Variants in TMTC2 observed in about 807,000 individuals in gnomAD.
The protein encoded by TMTC2 is transmembrane O-mannosyltransferase targeting cadherins 2.
Under a neutral mutation model 82.4 loss-of-function variants are expected in TMTC2, and 43 were observed. That is an observed-to-expected ratio of 0.52 (90% confidence interval 0.41 to 0.67). TMTC2 has a LOEUF of 0.67. Ranked by LOEUF, TMTC2 falls within the 30% of genes least tolerant of loss-of-function variation. The probability of loss-of-function intolerance (pLI) is 0.00; values close to 1 mark genes in which losing one functional copy is unlikely to be tolerated. For missense variants in TMTC2, 919 were observed against 1,012.4 expected (o/e 0.91, Z 1.25); for synonymous variants, 408 against 381.9 (o/e 1.07, Z -0.80).
rs533762694 is a variant in TMTC2 at position 83,075,415 on chromosome 12, A to G, written c.2331+13584A>G. Reference sequence around the variant, plus strand: ...CCATGATGATCTCTTGTCCATCTGTATATTTTATAGTTAGCAAATGATGTG... The same window carrying G: ...CCATGATGATCTCTTGTCCATCTGTGTATTTTATAGTTAGCAAATGATGTG... On this transcript the variant is annotated intron_variant, in intron 11 of 11. Coordinates refer to ENST00000321196, the MANE Select transcript of TMTC2 (RefSeq NM_152588.3). Among the ~76,000 whole-genome samples the G allele has an allele frequency of 3.3e-5, 5 of 152,276 alleles. No individual in the cohort carries two copies. The South Asian group carries it at 8.3e-4, about 25-fold the overall frequency.
chr12:82,940,619 T>C (rs964836579), intron 4 of TMTC2, among the ~76,000 whole-genome samples: 1 of 151,924 alleles, frequency 6.6e-6, no homozygotes, highest in Non-Finnish European at 1.5e-5. Context: ...TTTTTTTTTT[T>C]CCTCTGGTGG....
chr12:82,979,607 GTAATTATGTACCACC>G (rs1412233561), intron 7 of TMTC2, among the ~76,000 whole-genome samples: 5 of 151,710 alleles, frequency 3.3e-5, no homozygotes, highest in Non-Finnish European at 7.4e-5. Context: ...CAAGATATGA[GTAATTATGTACCACC>G]TAATTATGTA....
chr12:83,032,031 G>A (rs1327110926), intron 9 of TMTC2, among the ~76,000 whole-genome samples: 1 of 151,852 alleles, frequency 6.6e-6, no homozygotes, highest in Non-Finnish European at 1.5e-5. Flanking sequence ...CCTATATGAA[G>A]TACTTCAGGA....
intron 8 of TMTC2, among the ~76,000 whole-genome samples, chr12:82,993,333 C>T (rs1879477779): frequency 6.6e-6 from 1 of 151,234 alleles, no homozygotes; most frequent in Non-Finnish European, 1.5e-5. Flanking sequence ...GACCCTTGAA[C>T]AACACAAGTT....
intron 1 of TMTC2, among the ~76,000 whole-genome samples, chr12:82,695,603 A>T (rs1006421456): frequency 6.6e-6 from 1 of 152,176 alleles, no homozygotes. Flanking sequence ...CTTTTCTGTT[A>T]GTTGTGTCTC....
chr12:83,069,876 G>A (rs1433383022), intron 11 of TMTC2, among the ~76,000 whole-genome samples: 1 of 152,016 alleles, frequency 6.6e-6, no homozygotes, highest in Non-Finnish European at 1.5e-5. Context: ...TAAGGTGAGA[G>A]ATAAGGATCC....
chr12:83,094,206 G>A (rs1277651840), intron 11 of TMTC2, among the ~76,000 whole-genome samples: 1 of 152,208 alleles, frequency 6.6e-6, no homozygotes, highest in Non-Finnish European at 1.5e-5. Context: ...GTATGGTTAG[G>A]CCAGTCAGTT....
intron 8 of TMTC2, among the ~76,000 whole-genome samples, chr12:83,000,129 TG>T (rs1879849106): frequency 1.0e-5 from 1 of 96,186 alleles, no homozygotes; most frequent in Non-Finnish European, 2.4e-5. Context: ...CAAAATCCAG[TG>T]GGGGCAGTCA....
At chr12:82,912,539 CTT>C in intron 3 of TMTC2, among the ~76,000 whole-genome samples, 1 of 152,276 alleles carries the variant, frequency 6.6e-6, no homozygotes, top group Admixed American at 6.5e-5. Context: ...GACTTAATCT[CTT>C]TGAGATTTGC....
intron 3 of TMTC2, among the ~76,000 whole-genome samples, chr12:82,904,016 A>C (rs1157166865): frequency 6.6e-6 from 1 of 152,190 alleles, no homozygotes; most frequent in African/African-American, 2.4e-5. Flanking sequence ...CCATTTTGAT[A>C]CAAGGCAAAA....
intron 1 of TMTC2, among the ~76,000 whole-genome samples, chr12:82,738,532 G>A (rs968587964): frequency 5.9e-5 from 9 of 152,262 alleles, no homozygotes; most frequent in Non-Finnish European, 1.3e-4. Flanking sequence ...GTTGGCTCAC[G>A]TGTTCATTTT....
At chr12:83,071,791 T>C (rs748443737) in intron 11 of TMTC2, among the ~76,000 whole-genome samples, 19 of 152,284 alleles carry the variant, frequency 1.2e-4, no homozygotes, top group Non-Finnish European at 2.5e-4. Flanking sequence ...TTTATATGTG[T>C]CAAGGTGTTC....
chr12:82,931,788 A>G (rs1434694891), intron 4 of TMTC2, among the ~76,000 whole-genome samples: 3 of 152,166 alleles, frequency 2.0e-5, no homozygotes, highest in Non-Finnish European at 4.4e-5. Context: ...ACTCTTCTCA[A>G]TTTCAGAAGG....
chr12:82,812,837 A>G (rs1209680743), intron 1 of TMTC2, among the ~76,000 whole-genome samples: 1 of 152,120 alleles, frequency 6.6e-6, no homozygotes, highest in East Asian at 1.9e-4. Context: ...ATCTTAAAAC[A>G]TGATTTGTAG....
At chr12:82,712,429 CAAAAAA>C (rs58906003) in intron 1 of TMTC2, among the ~76,000 whole-genome samples, 6 of 71,716 alleles carry the variant, frequency 8.4e-5, no homozygotes, top group African/African-American at 2.6e-4. Flanking sequence ...AACTCCGTCT[CAAAAAA>C]AAAAAAAAAA....
At chr12:82,819,807 CT>C (rs1868980339) in intron 1 of TMTC2, among the ~76,000 whole-genome samples, 1 of 151,978 alleles carries the variant, frequency 6.6e-6, no homozygotes, top group Non-Finnish European at 1.5e-5. Flanking sequence ...TGCCCAGCCC[CT>C]CATAGTACTT....
intron 3 of TMTC2, among the ~76,000 whole-genome samples, chr12:82,910,303 C>T (rs1283267987): frequency 1.6e-4 from 25 of 152,130 alleles, no homozygotes; most frequent in East Asian, 3.9e-4. Flanking sequence ...TTTCCCCTGT[C>T]CCCCTCACAG....
intron 9 of TMTC2, among the ~76,000 whole-genome samples, chr12:83,048,329 T>C (rs1882218342): frequency 6.6e-6 from 1 of 152,184 alleles, no homozygotes; most frequent in South Asian, 2.1e-4. Flanking sequence ...TTCATATCTG[T>C]ATCTGTAGAG....
chr12:82,752,611 G>C (rs539746494), intron 1 of TMTC2, among the ~76,000 whole-genome samples: 1 of 152,144 alleles, frequency 6.6e-6, no homozygotes, highest in Admixed American at 6.5e-5. Flanking sequence ...AATTGGCTTA[G>C]AGACTTCATA....
Sources: gnomAD v4.1 joint callset for allele counts (sites outside exome capture counted in the v4.1 genomes callset) on GRCh38, gnomAD v4.1.1 for gene constraint, MANE v1.5 for transcripts, NCBI Gene and HGNC (gene_info 2026-07-23, HGNC 2026-07-21) for gene names.